Variants in CPNE8 observed in about 807,000 individuals in gnomAD.
CPNE8 encodes the protein copine-8.
A neutral mutation model predicts 81.5 loss-of-function variants in CPNE8; 45 were observed. The observed-to-expected ratio is 0.55, with a 90% CI of 0.44 to 0.71. The LOEUF (loss-of-function observed/expected upper bound fraction) is 0.71, where lower values mean the gene tolerates loss of function less well. Among genes scored for constraint, CPNE8 ranks in the 30% least tolerant of loss-of-function variants. CPNE8 has a pLI of 0.00. For synonymous variants in CPNE8, 252 were observed against 226.3 expected (o/e 1.11, Z -1.02); for missense variants, 594 against 672.1 (o/e 0.88, Z 1.28).
At chr12:38,784,208 A>G (rs1251413404) in intron 6 of CPNE8, among the ~76,000 whole-genome samples, 2 of 152,236 alleles carry the variant, frequency 1.3e-5, no homozygotes, top group Middle Eastern at 3.2e-3. Flanking sequence ...TGGAGCTAAA[A>G]ATACAATTGG....
chr12:38,835,170 C>A (rs1943360011), intron 5 of CPNE8, among the ~76,000 whole-genome samples: 1 of 152,162 alleles, frequency 6.6e-6, no homozygotes, highest in Admixed American at 6.6e-5. Flanking sequence ...CAAGCATGAG[C>A]CACCGCACCT....
intron 7 of CPNE8, among the ~76,000 whole-genome samples, chr12:38,772,382 A>G (rs1941821144): frequency 6.6e-6 from 1 of 152,190 alleles, no homozygotes; most frequent in African/African-American, 2.4e-5. Context: ...ACTCCTACAA[A>G]TCTTCAAAAA....
chr12:38,895,020 T>C (rs1944370902), intron 1 of CPNE8, among the ~76,000 whole-genome samples: 2 of 152,114 alleles, frequency 1.3e-5, no homozygotes, highest in Non-Finnish European at 1.5e-5. Context: ...ATTATAATCA[T>C]ATCTCTGGTT....
chr12:38,794,932 G>A (rs1942419186), intron 6 of CPNE8, among the ~76,000 whole-genome samples: 1 of 152,148 alleles, frequency 6.6e-6, no homozygotes, highest in Non-Finnish European at 1.5e-5. Context: ...TTGTCAGTAT[G>A]GCTAGAATAA....
chr12:38,835,773 A>T (rs777178680), intron 5 of CPNE8, among the ~76,000 whole-genome samples: 8 of 152,182 alleles, frequency 5.3e-5, no homozygotes, highest in Non-Finnish European at 8.8e-5. Context: ...GTGAAAGCTT[A>T]TATTTATAAT....
chr12:38,746,155 T>C (rs1030791100), intron 10 of CPNE8, among the ~76,000 whole-genome samples: 1 of 152,110 alleles, frequency 6.6e-6, no homozygotes, highest in Non-Finnish European at 1.5e-5. Flanking sequence ...GAGATGACAA[T>C]GTCATCACAG....
intron 10 of CPNE8, among the ~76,000 whole-genome samples, chr12:38,751,036 A>C (rs1343357962): frequency 6.6e-6 from 1 of 152,088 alleles, no homozygotes; most frequent in East Asian, 1.9e-4. Context: ...ATGAGATCTG[A>C]TGGTTTTGAA....
chr12:38,725,506 C>T (rs1006754437), intron 11 of CPNE8, among the ~76,000 whole-genome samples: 1 of 152,238 alleles, frequency 6.6e-6, no homozygotes, highest in Admixed American at 6.5e-5. Context: ...ATAAATAAGA[C>T]CTGCCGATCT....
intron 6 of CPNE8, among the ~76,000 whole-genome samples, chr12:38,797,280 C>T (rs1942511449): frequency 3.3e-5 from 5 of 152,192 alleles, no homozygotes; most frequent in Admixed American, 2.6e-4. Context: ...CCCGAGCAGC[C>T]TAACTGGGAG....
chr12:38,743,515 A>T (rs1624751), intron 10 of CPNE8, among the ~76,000 whole-genome samples: 122,567 of 152,010 alleles, frequency 0.81, 52,384 homozygotes, highest in Middle Eastern at 0.97. Context: ...GATGTGGATT[A>T]TTGAGGCAAT....
chr12:38,812,857 T>C (rs1942961749), intron 6 of CPNE8, among the ~76,000 whole-genome samples: 1 of 152,226 alleles, frequency 6.6e-6, no homozygotes, highest in African/African-American at 2.4e-5. Context: ...CCGGACACTG[T>C]GCCTTGATCT....
rs1404545871 is a variant in CPNE8 at position 38,821,863 on chromosome 12, C to A, written c.407+7516G>T. ...CGAAAATGAATGCAAGAAAGTGGTT[C>A]AACTCAACATTTTGATTAAACTTCG... On this transcript the variant is annotated intron_variant, in intron 6 of 19. Transcript: ENST00000331366. Among the ~76,000 whole-genome samples, 3 of 152,144 alleles carry A rather than the reference C, an allele frequency of 2.0e-5. No individual in the cohort carries two copies. In the East Asian group the frequency reaches 5.8e-4, roughly 29 times the overall value.
chr12:38,846,512 A>C (rs1285178938), intron 4 of CPNE8, among the ~76,000 whole-genome samples: 1 of 152,176 alleles, frequency 6.6e-6, no homozygotes, highest in East Asian at 1.9e-4. Context: ...GAGTCATGGC[A>C]GGTCATGACT....
At chr12:38,668,002 T>G (rs748097988) in intron 19 of CPNE8, among the ~76,000 whole-genome samples, 1 of 152,188 alleles carries the variant, frequency 6.6e-6, no homozygotes, top group African/African-American at 2.4e-5. Flanking sequence ...TTTCACCATG[T>G]TGGCCAGGCG....
intron 10 of CPNE8, among the ~76,000 whole-genome samples, chr12:38,755,734 T>G (rs1309577816): frequency 6.6e-6 from 1 of 152,112 alleles, no homozygotes; most frequent in Non-Finnish European, 1.5e-5. Context: ...CTTGTCAATG[T>G]GTTTCAATAA....
intron 13 of CPNE8, among the ~76,000 whole-genome samples, chr12:38,704,131 T>C (rs1441649719): frequency 6.6e-6 from 1 of 152,126 alleles, no homozygotes; most frequent in African/African-American, 2.4e-5. Context: ...GCTTGAGGGC[T>C]GAAAAATGAA....
intron 6 of CPNE8, among the ~76,000 whole-genome samples, chr12:38,799,100 G>A (rs1043187834): frequency 6.6e-5 from 10 of 152,100 alleles, no homozygotes; most frequent in Non-Finnish European, 1.5e-4. Flanking sequence ...AATAATAATG[G>A]GAGACTTTAA....
At chr12:38,744,800 CT>C (rs2136806315) in intron 10 of CPNE8, among the ~76,000 whole-genome samples, 1 of 152,312 alleles carries the variant, frequency 6.6e-6, no homozygotes, top group Admixed American at 6.5e-5. Context: ...AAAAAAAGTA[CT>C]TTGTAAACTG....
chr12:38,797,295 C>T (rs1056141011), intron 6 of CPNE8, among the ~76,000 whole-genome samples: 12 of 152,144 alleles, frequency 7.9e-5, no homozygotes, highest in African/African-American at 2.9e-4. Flanking sequence ...TGGGAGGCAC[C>T]CCCCAGTAGG....
Sources: allele counts gnomAD v4.1 joint callset (sites outside exome capture counted in the v4.1 genomes callset), GRCh38; gene constraint gnomAD v4.1.1; transcripts MANE v1.5; gene names NCBI Gene and HGNC (gene_info 2026-07-23, HGNC 2026-07-21).